Variants in UBA6 observed in about 807,000 individuals in gnomAD.
UBA6 encodes ubiquitin-like modifier-activating enzyme 6.
In UBA6, 87 loss-of-function variants were observed where a neutral mutation model predicts 148.3. The observed-to-expected ratio is 0.59, with a 90% CI of 0.49 to 0.70. The LOEUF is 0.70. Ranked by LOEUF, UBA6 falls within the 30% of genes least tolerant of loss-of-function variation. The pLI is 0.00. For synonymous variants in UBA6, 376 were observed against 401.0 expected, an observed-to-expected ratio of 0.94 and a Z score of 0.75; for missense variants, 1,186 against 1,241.2, an observed-to-expected ratio of 0.96 and a Z score of 0.67.
intron 2 of UBA6, among the ~76,000 whole-genome samples, chr4:67,696,301 T>A (rs371192746): frequency 1.3e-5 from 2 of 152,104 alleles, no homozygotes; most frequent in South Asian, 4.2e-4. Flanking sequence ...CACCTAAACC[T>A]AAAACAACTG....
intron 15 of UBA6, among the ~76,000 whole-genome samples, chr4:67,646,395 C>A (rs1283863513): frequency 6.6e-6 from 1 of 152,124 alleles, no homozygotes; most frequent in Non-Finnish European, 1.5e-5. Flanking sequence ...CTAAACTTTT[C>A]ATTCTCAAAA....
rs1479242276 is a variant in UBA6, at chr4:67,634,449, T to C, written c.1912A>G (p.Ile638Val). ...TTTACCTTATCTCTTGCCCACTGTA[T>C]GGTATGTTCAATAGCAGCTGGAAAG... is the stretch of plus-strand genomic sequence containing the variant. The part of the protein sequence containing the change: ...KSFPAAIEHT[I>V]QWARDKFESS... Residue 638 changes from isoleucine (I) to valine (V), a missense_variant, in exon 21 of 33, where the codon ATA becomes GTA. Physicochemically the swap from Ile to Val is conservative, Grantham distance 29. Transcript: ENST00000322244. 1 of 1,587,558 alleles carries C rather than the reference T, an allele frequency of 6.3e-7. No individual in the cohort carries two copies. Among genetic ancestry groups the C allele is most frequent in the African/African-American group, 1.4e-5 (1 of 73,114 alleles).
At chr4:67,697,838 C>T (rs1193997659) in intron 1 of UBA6, among the ~76,000 whole-genome samples, 1 of 152,204 alleles carries the variant, frequency 6.6e-6, no homozygotes, top group Admixed American at 6.5e-5. Flanking sequence ...CCTTTATTCT[C>T]CATAAAACAG....
At chr4:67,626,266 G>C in intron 28 of UBA6, 94 bp downstream of exon 28, 2 of 736,606 alleles carry the variant, frequency 2.7e-6, no homozygotes, top group Non-Finnish European at 4.8e-6. Flanking sequence ...CATTATTATT[G>C]TTGTGATTAA....
At chr4:67,626,500 T>C in intron 27 of UBA6, 23 bp from the exon 28 acceptor site, 1 of 1,366,646 alleles carries the variant, frequency 7.3e-7, no homozygotes, top group Non-Finnish European at 1.0e-6. Context: ...GAATATATTT[T>C]TATTAATGTT....
rs541504557 is a variant in UBA6, at chr4:67,623,889, A to G, written c.2840+237T>C. Reference sequence around the variant, plus strand: ...GTACCTTCTAATTCATCTGGCAGACACAGATGAAACCATAATGCCAAATAA... The same window carrying G: ...GTACCTTCTAATTCATCTGGCAGACGCAGATGAAACCATAATGCCAAATAA... On this transcript the variant is annotated intron_variant, in intron 30 of 32. Transcript: ENST00000322244. Among the ~76,000 whole-genome samples the G allele has an allele frequency of 4.9e-4, 75 of 152,240 alleles. 1 individual carries two copies. The highest frequency in any genetic ancestry group is 1.8e-3 in the African/African-American group (73 of 41,572).
At chr4:67,656,306 G>A (rs1394454797) in intron 13 of UBA6, among the ~76,000 whole-genome samples, 1 of 152,198 alleles carries the variant, frequency 6.6e-6, no homozygotes, top group East Asian at 1.9e-4. Flanking sequence ...ACTGAATCCA[G>A]CAGCACATCA....
At chr4:67,629,017 G>A in intron 27 of UBA6, 54 bp downstream of exon 27, 1 of 1,249,750 alleles carries the variant, frequency 8.0e-7, no homozygotes, top group Non-Finnish European at 1.2e-6. Flanking sequence ...ATGGGACTTG[G>A]TACAAGTCCA....
At chr4:67,631,584 G>T in intron 25 of UBA6, 124 bp downstream of exon 25, 1 of 727,014 alleles carries the variant, frequency 1.4e-6, no homozygotes, top group Non-Finnish European at 2.2e-6. Context: ...ACTCTTAAAT[G>T]AACAGGGATG....
chr4:67,679,667 AGCAC>A (rs1003537831), intron 4 of UBA6, among the ~76,000 whole-genome samples: 11 of 152,172 alleles, frequency 7.2e-5, no homozygotes. Context: ...TATAGGATAA[AGCAC>A]GTAATGGATC....
intron 17 of UBA6, among the ~76,000 whole-genome samples, chr4:67,642,551 A>C (rs1038891833): frequency 2.0e-5 from 3 of 152,086 alleles, no homozygotes; most frequent in Non-Finnish European, 2.9e-5. Flanking sequence ...GTAAGAACCA[A>C]TAAGTGGTAG....
rs1730439493 is a variant in UBA6, at chr4:67,681,566, A to T, written c.255T>A (p.Ile85=). 6.3e-7 allele frequency: 1 copy of T among 1,578,000 alleles called. No homozygotes were observed. The highest frequency in any genetic ancestry group is 8.6e-7 in the Non-Finnish European group (1 of 1,168,194). The change falls in exon 4 of 33, where the codon ATT becomes ATA. Residue 85 remains isoleucine, a synonymous_variant. Coordinates refer to ENST00000322244, the MANE Select transcript of UBA6 (RefSeq NM_018227.6). ...CTTACAGAGGACATTTACTTACCTT[A>T]ATCCCTGCAAGAACAAGATTCTTTG... ...EIAKNLVLAG[I]KAVTIHDTEK... is the part of the protein sequence containing the mutation.
intron 13 of UBA6, among the ~76,000 whole-genome samples, chr4:67,660,358 G>T (rs914474751): frequency 1.3e-5 from 2 of 152,186 alleles, no homozygotes; most frequent in African/African-American, 4.8e-5. Context: ...AGGAAAAAAT[G>T]GTTTTGTGGG....
intron 25 of UBA6, 127 bp downstream of exon 25, chr4:67,631,581 A>G: frequency 1.4e-6 from 1 of 717,532 alleles, no homozygotes; most frequent in Non-Finnish European, 2.2e-6. Context: ...TTAACTCTTA[A>G]ATGAACAGGG....
At chr4:67,629,815 ATTG>A (rs1404077332) in intron 26 of UBA6, among the ~76,000 whole-genome samples, 2 of 152,064 alleles carry the variant, frequency 1.3e-5, no homozygotes, top group African/African-American at 2.4e-5. Flanking sequence ...TAAAACAGAT[ATTG>A]TTATCTGAAT....
chr4:67,682,037 A>ATATAAGGG, intron 3 of UBA6, 82 bp downstream of exon 3: 1 of 1,022,550 alleles, frequency 9.8e-7, no homozygotes, highest in East Asian at 2.4e-5. Context: ...TTTATAGGAA[A>ATATAAGGG]TATAAGGGGA....
At position 67,673,793 on chromosome 4, in the gene UBA6, C is replaced by T; in HGVS notation, c.466-16G>A. Reference sequence around the variant, plus strand: ...ATACTACACACTGTTGAGAAAACAACAAATTAAAAACTAGAAAATACATAA... The same window carrying T: ...ATACTACACACTGTTGAGAAAACAATAAATTAAAAACTAGAAAATACATAA... On this transcript the variant is annotated splice_polypyrimidine_tract_variant and intron_variant, in intron 6 of 32. Transcript: ENST00000322244. 1 of 1,560,974 alleles carries T rather than the reference C, an allele frequency of 6.4e-7. No homozygotes were observed. The highest frequency in any genetic ancestry group is 8.7e-7 in the Non-Finnish European group (1 of 1,143,202).
intron 27 of UBA6, among the ~76,000 whole-genome samples, chr4:67,628,523 C>T (rs943615018): frequency 2.0e-5 from 3 of 151,748 alleles, no homozygotes; most frequent in Non-Finnish European, 4.4e-5. Flanking sequence ...TATACCAGCT[C>T]CATCACTCTT....
intron 7 of UBA6, among the ~76,000 whole-genome samples, chr4:67,673,270 T>C (rs1247440956): frequency 6.6e-6 from 1 of 151,848 alleles, no homozygotes; most frequent in Non-Finnish European, 1.5e-5. Context: ...AAAAATTAGC[T>C]GGGCTTGGTG....
Sources: allele counts gnomAD v4.1 joint callset (sites outside exome capture counted in the v4.1 genomes callset), GRCh38; gene constraint gnomAD v4.1.1; transcripts MANE v1.5; gene names NCBI Gene and HGNC (gene_info 2026-07-23, HGNC 2026-07-21).